The following ADCY4 variants were observed in gnomAD, a reference collection of about 807,000 sequenced individuals.
The protein encoded by ADCY4 is adenylate cyclase type 4.
ADCY4 carries 111 observed loss-of-function variants against 125.5 expected under a neutral mutation model. The observed-to-expected ratio is 0.88, with a 90% CI of 0.76 to 1.04. The LOEUF (loss-of-function observed/expected upper bound fraction) is 1.04. Among genes scored for constraint, ADCY4 ranks in the 50% least tolerant of loss-of-function variants. ADCY4 has a pLI of 0.00. For synonymous variants in ADCY4, 576 were observed against 586.9 expected (o/e 0.98, Z 0.27); for missense variants, 1,256 against 1,382.9 (o/e 0.91, Z 1.46).
chr14:24,323,773 T>C, intron 16 of ADCY4: 1 of 555,962 alleles, frequency 1.8e-6, no homozygotes, highest in African/African-American at 2.0e-5. Flanking sequence ...AGGAATAGAA[T>C]TCTAGGAATG....
In ADCY4 at chr14:24,319,066, A is replaced by C; in HGVS notation, c.2956+32T>G. 1 of 1,608,986 alleles carries C rather than the reference A, an allele frequency of 6.2e-7. No homozygotes were observed. The highest frequency in any genetic ancestry group is 1.7e-5 in the Admixed American group (1 of 59,996). Reference sequence around the variant, plus strand: ...GGCAAGCTCAGGAAGGTGAGGAGGTACCAGACTGCTGCAGCAGGGGAAGTC... The same window carrying C: ...GGCAAGCTCAGGAAGGTGAGGAGGTCCCAGACTGCTGCAGCAGGGGAAGTC... On this transcript the variant is annotated intron_variant, in intron 23 of 24. Coordinates refer to ENST00000418030, the MANE Select transcript of ADCY4 (RefSeq NM_001198568.2). The surrounding 1 kb of genome is among the most constrained non-coding windows in gnomAD (Gnocchi z 4.5).
At chr14:24,329,267 C>T (rs776685650) in intron 9 of ADCY4, 33 bp from the exon 10 acceptor site, 3 of 1,607,162 alleles carry the variant, frequency 1.9e-6, no homozygotes, top group African/African-American at 2.7e-5. Context: ...GTAAAGACCA[C>T]AGACACTTCC....
chr14:24,320,267 TTAAGA>T (rs2139192119), intron 20 of ADCY4, among the ~76,000 whole-genome samples: 1 of 152,230 alleles, frequency 6.6e-6, no homozygotes, highest in East Asian at 1.9e-4. Context: ...TTTAAGTCAG[TTAAGA>T]TAGGTACAAA....
rs1288470679 is a variant in ADCY4 at position 24,318,392 on chromosome 14, G to A, written c.*24C>T. On this transcript the variant is annotated 3_prime_UTR_variant, in exon 25 of 25. Transcript: ENST00000418030. ...AGACACCCCAGAGTCTCTTTATTGAGGTTCTTAGAAGGCGAGTGCAATCTC... is the reference window on the plus strand; with the variant it reads ...AGACACCCCAGAGTCTCTTTATTGAAGTTCTTAGAAGGCGAGTGCAATCTC... 2 of 1,611,812 alleles carry A rather than the reference G, an allele frequency of 1.2e-6. No individual in the cohort carries two copies. The highest frequency in any genetic ancestry group is 2.2e-5 in the South Asian group (2 of 90,838).
Position 24,319,986 on chromosome 14 carries a change from T to C in ADCY4, c.2587-98A>G. 1 of 1,421,542 alleles carries C rather than the reference T, an allele frequency of 7.0e-7. No homozygotes were observed. Among genetic ancestry groups the C allele is most frequent in the Non-Finnish European group, 9.5e-7 (1 of 1,054,640 alleles). 88.1% of individuals were successfully genotyped at this position (1,421,542 alleles called of 1,614,324 possible). A position where few individuals can be genotyped will look rare whatever the true frequency, so the allele number is the denominator to read the frequency against. ...CTCCTCCCCATGTCCACACTCCTGG[T>C]CTCCCTGTTTAAGAAGAATTGGGAA... On this transcript the variant is annotated intron_variant, in intron 20 of 24. Transcript: ENST00000418030. The surrounding 1 kb of genome is among the most constrained non-coding windows in gnomAD (Gnocchi z 4.5).
At position 24,324,375 on chromosome 14, in the gene ADCY4, TG is replaced by T; in HGVS notation, c.1839del (p.Ile614SerfsTer22). On this transcript the variant is annotated frameshift_variant, in exon 15 of 25. Transcript: ENST00000418030. LOFTEE classifies it high-confidence loss of function. ...AGGAGGAAGGTGATGCTATACGTGA[TG>T]GCCAGAGCTGGGGGCCTGAAGGGAG... is the stretch of plus-strand genomic sequence containing the variant. ...MLVTNRPPAL[A>X]ITYSITFLLF... 1 of 1,614,140 alleles carries T rather than the reference TG, an allele frequency of 6.2e-7. No homozygotes were observed. The highest frequency in any genetic ancestry group is 8.5e-7 in the Non-Finnish European group (1 of 1,179,960).
At position 24,330,238 on chromosome 14, in the gene ADCY4, G is replaced by T. The variant is rs143102988; in HGVS notation, c.988C>A (p.Leu330Met). Residue 330 changes from leucine to methionine, a missense_variant, in exon 7 of 25, where the codon CTG becomes ATG. Leu to Met is a conservative substitution (Grantham distance 15, BLOSUM62 2). Coordinates refer to ENST00000418030, the MANE Select transcript of ADCY4 (RefSeq NM_001198568.2). ...LGDCYYCVSG[L>M]PLSLPDHAIN... ...GCATGGTCTGGCAGTGAGAGTGGCAGCCCAGAGACACAGTAGTAACAGTCC... is the reference window on the plus strand; with the variant it reads ...GCATGGTCTGGCAGTGAGAGTGGCATCCCAGAGACACAGTAGTAACAGTCC... 3.1e-6 allele frequency: 5 copies of T among 1,614,108 alleles called. No individual in the cohort carries two copies. In the African/African-American group the frequency reaches 5.3e-5, roughly 17 times the overall value.
chr14:24,318,566 C>T lies in ADCY4; in HGVS notation c.3084G>A (p.Val1028=), dbSNP rs1227561707. ...GTAGGGCCCATGCTGTCTCCTCAGT[C>T]ACCTACAATTGGAGGGGGGCGAGGG... is the stretch of plus-strand genomic sequence containing the variant. ...ESTGVLGKIQ[V]TEETAWALQS... The change falls in exon 25 of 25, where the codon GTG becomes GTA. Residue 1028 remains valine (V), a splice_region_variant and synonymous_variant. Coordinates refer to ENST00000418030, the MANE Select transcript of ADCY4 (RefSeq NM_001198568.2). 6.2e-7 allele frequency: 1 copy of T among 1,613,986 alleles called. No individual in the cohort carries two copies. The highest frequency in any genetic ancestry group is 1.3e-5 in the African/African-American group (1 of 74,902).
Position 24,318,715 on chromosome 14 carries a change from C to G in ADCY4, c.3020G>C (p.Trp1007Ser). ...IGAQKPQYDI[W>S]GNTVNVASRM... ...GCTGGCCACGTTCACTGTGTTGCCC[C>G]AAATGTCATATTGCGGCTTCTGGGC... Residue 1007 changes from tryptophan (W) to serine (S), a missense_variant, in exon 24 of 25, where the codon TGG (tryptophan) becomes TCG (serine). Physicochemically the swap from Trp to Ser is radical, Grantham distance 177. Transcript: ENST00000418030. The G allele has an allele frequency of 6.2e-7, 1 of 1,614,138 alleles. No individual in the cohort carries two copies. Among genetic ancestry groups the G allele is most frequent in the East Asian group, 2.2e-5 (1 of 44,884 alleles).
intron 20 of ADCY4, chr14:24,321,628 A>T: frequency 5.0e-6 from 1 of 200,648 alleles, no homozygotes; most frequent in Non-Finnish European, 9.0e-6. Context: ...GCAGTTCACA[A>T]TAAGGTTCAA....
intron 20 of ADCY4, among the ~76,000 whole-genome samples, chr14:24,320,998 C>T (rs900661148): frequency 1.3e-5 from 2 of 151,962 alleles, no homozygotes; most frequent in African/African-American, 4.8e-5. Flanking sequence ...TTCCACGCAC[C>T]CAGGCTGTGG....
chr14:24,324,418 G>C, intron 14 of ADCY4, 27 bp from the exon 15 acceptor site: 1 of 1,588,486 alleles, frequency 6.3e-7, no homozygotes, highest in Non-Finnish European at 8.6e-7. Flanking sequence ...GCGAGGCCTT[G>C]AAGTGCCAGA....
rs773867436 is a variant in ADCY4, at chr14:24,318,456, T to C, written c.3194A>G (p.Asp1065Gly). ...GQLCTYFLNT[D>G]LTRTGPPSAT... ...TGAAGGAGGTCCAGTTCGTGTCAAGTCTGTGTTCAGGAAGTAGGTGCAGAG... is the reference window on the plus strand; with the variant it reads ...TGAAGGAGGTCCAGTTCGTGTCAAGCCTGTGTTCAGGAAGTAGGTGCAGAG... The change falls in exon 25 of 25, where the codon GAC (aspartate) becomes GGC (glycine). Residue 1065 changes from aspartate (D) to glycine (G), a missense_variant. By Grantham distance (94) the Asp-to-Gly change is moderately conservative. Coordinates refer to ENST00000418030, the MANE Select transcript of ADCY4 (RefSeq NM_001198568.2). The C allele has an allele frequency of 6.2e-7, 1 of 1,614,162 alleles. No homozygotes were observed.
At position 24,331,913 on chromosome 14, in the gene ADCY4, G is replaced by A; in HGVS notation, c.544C>T (p.Leu182=). 6.3e-7 allele frequency: 1 copy of A among 1,575,822 alleles called. No homozygotes were observed. Among genetic ancestry groups the A allele is most frequent in the Non-Finnish European group, 8.7e-7 (1 of 1,153,248 alleles). The change falls in exon 4 of 25, where the codon CTG becomes TTG. Residue 182 remains leucine, a synonymous_variant. Coordinates refer to ENST00000418030, the MANE Select transcript of ADCY4 (RefSeq NM_001198568.2). ...TACACTCCTGCCACGTTCCCGCACA[G>A]GAACAGCACTGCGTTTGCTGCCAAC... is the stretch of plus-strand genomic sequence containing the variant. ...PQLAANAVLF[L]CGNVAGVYHK...
chr14:24,328,087 T>C lies in ADCY4; in HGVS notation c.1524+974A>G, dbSNP rs543030990. Among the ~76,000 whole-genome samples the C allele has an allele frequency of 3.0e-3, 450 of 152,098 alleles. 5 individuals are homozygous for C. The highest frequency in any genetic ancestry group is 0.01 in the African/African-American group (424 of 41,484). ...AGGAGTGCGAGCCTTCTGTTATGCC[T>C]GGACAGGGCCACCAGAGGGCTCCTT... On this transcript the variant is annotated intron_variant, in intron 10 of 24. Transcript: ENST00000418030.
rs2042107697 is a variant in ADCY4, at chr14:24,334,760, C to T, written c.-108G>A. On this transcript the variant is annotated 5_prime_UTR_variant, in exon 1 of 25. Coordinates refer to ENST00000418030, the MANE Select transcript of ADCY4 (RefSeq NM_001198568.2). ...TTTTCTCACCCGCTCAAAGCCGCTA[C>T]CACCCCGCGCCCCCAACCTCGTGGC... The T allele has an allele frequency of 1.1e-6, 1 of 888,128 alleles. No homozygotes were observed. The highest frequency in any genetic ancestry group is 2.9e-5 in the East Asian group (1 of 34,092). 55.0% of individuals were successfully genotyped at this position (888,128 alleles called of 1,614,324 possible).
intron 10 of ADCY4, chr14:24,328,590 C>T (rs553091699): frequency 6.1e-6 from 1 of 162,942 alleles, no homozygotes; most frequent in Admixed American, 6.2e-5. Context: ...CCTTACCTAT[C>T]ATTGGAGGTG....
In ADCY4 at chr14:24,324,399, G is replaced by A; in HGVS notation, c.1824-8C>T. 6.2e-7 allele frequency: 1 copy of A among 1,610,896 alleles called. No homozygotes were observed. Among genetic ancestry groups the A allele is most frequent in the Non-Finnish European group, 8.5e-7 (1 of 1,177,016 alleles). ...ATGGCCAGAGCTGGGGGCCTGAAGG[G>A]AGACAAAAGCGAGGCCTTGAAGTGC... On this transcript the variant is annotated splice_region_variant and splice_polypyrimidine_tract_variant and intron_variant, in intron 14 of 24. Coordinates refer to ENST00000418030, the MANE Select transcript of ADCY4 (RefSeq NM_001198568.2).
In ADCY4 at chr14:24,321,794, C is replaced by T. The variant is rs1209736233; in HGVS notation, c.2586+272G>A. ...GCCTGGGGGCTGGGGACCCCTGCTC[C>T]AGACAGCTCCCATCAACGCCTAGGC... On this transcript the variant is annotated intron_variant, in intron 20 of 24. Transcript: ENST00000418030. 4 of 1,156,894 alleles carry T rather than the reference C, an allele frequency of 3.5e-6. No homozygotes were observed. In the Admixed American group the frequency reaches 1.3e-4, roughly 36 times the overall value. 71.7% of individuals were successfully genotyped at this position (1,156,894 alleles called of 1,614,324 possible).
Sources: allele counts gnomAD v4.1 joint callset (sites outside exome capture counted in the v4.1 genomes callset), GRCh38; gene constraint gnomAD v4.1.1; non-coding constraint Gnocchi (gnomAD v3.1); transcripts MANE v1.5; gene names NCBI Gene and HGNC (gene_info 2026-07-23, HGNC 2026-07-21).